Variants in COL12A1 observed in about 807,000 individuals in gnomAD.
COL12A1 encodes the protein collagen type XII alpha 1 chain.
Under a neutral mutation model 349.7 loss-of-function variants are expected in COL12A1, and 114 were observed. The observed-to-expected ratio is 0.33, with a 90% CI of 0.28 to 0.38. The LOEUF (loss-of-function observed/expected upper bound fraction) is 0.38, where lower values mean the gene tolerates loss of function less well. COL12A1 is among the 10% of genes least tolerant of loss of function. COL12A1 has a pLI of 1.00. For missense variants in COL12A1, 3,284 were observed against 3,756.9 expected, an observed-to-expected ratio of 0.87 and a Z score of 3.29; for synonymous variants, 1,369 against 1,329.0, an observed-to-expected ratio of 1.03 and a Z score of -0.66.
At chr6:75,162,059 C>T (rs1003200213) in intron 14 of COL12A1, among the ~76,000 whole-genome samples, 1 of 152,076 alleles carries the variant, frequency 6.6e-6, no homozygotes, top group Non-Finnish European at 1.5e-5. Flanking sequence ...TCAATACTGT[C>T]AAAATGGCCA....
At chr6:75,131,630 C>A (rs1766304644) in intron 35 of COL12A1, among the ~76,000 whole-genome samples, 1 of 152,260 alleles carries the variant, frequency 6.6e-6, no homozygotes, top group South Asian at 2.1e-4. Context: ...ATAGATTGGG[C>A]AATTTGTAAG....
In COL12A1 at chr6:75,183,837, T is replaced by C. The variant is rs751763307; in HGVS notation, c.1288+17A>G. On this transcript the variant is annotated intron_variant, in intron 9 of 65. Coordinates refer to ENST00000322507, the MANE Select transcript of COL12A1 (RefSeq NM_004370.6). ...TCTTCACATATTCCAAATACAATGA[T>C]GCACACATTGACTTACCCACTTGAA... is the stretch of plus-strand genomic sequence containing the variant. The C allele has an allele frequency of 1.2e-6, 2 of 1,612,546 alleles. No individual in the cohort carries two copies. Among genetic ancestry groups the C allele is most frequent in the African/African-American group, 1.3e-5 (1 of 74,920 alleles).
intron 23 of COL12A1, among the ~76,000 whole-genome samples, chr6:75,146,829 C>T (rs1364594664): frequency 6.6e-6 from 1 of 152,044 alleles, no homozygotes; most frequent in East Asian, 1.9e-4. Context: ...CATATTAATC[C>T]TGCCAGTTAT....
chr6:75,104,609 T>C (rs969426076), intron 54 of COL12A1, among the ~76,000 whole-genome samples: 4 of 152,220 alleles, frequency 2.6e-5, no homozygotes, highest in African/African-American at 7.2e-5. Context: ...GGGTTTCACA[T>C]TGATCAATGA....
intron 13 of COL12A1, among the ~76,000 whole-genome samples, chr6:75,170,043 C>A (rs532002976): frequency 6.6e-6 from 1 of 152,320 alleles, no homozygotes; most frequent in East Asian, 1.9e-4. Context: ...GATTCCTACA[C>A]TGCTTTTTTC....
chr6:75,192,501 C>A, intron 3 of COL12A1, 146 bp from the exon 4 acceptor site: 2 of 635,318 alleles, frequency 3.1e-6, no homozygotes, highest in Non-Finnish European at 2.5e-6. Flanking sequence ...TTTTTACTGC[C>A]TTCCAAAACT....
chr6:75,109,020 C>T lies in COL12A1; in HGVS notation c.8098G>A (p.Ala2700Thr), dbSNP rs779479987. The change falls in exon 52 of 66, where the codon GCA becomes ACA. Residue 2700 changes from alanine (A) to threonine (T), a missense_variant and splice_region_variant. Physicochemically the swap from Ala to Thr is moderately conservative, Grantham distance 58. This residue lies in a region of COL12A1 where 683 missense variants were observed against 932.1 expected (regional missense o/e 0.73). Coordinates refer to ENST00000322507, the MANE Select transcript of COL12A1 (RefSeq NM_004370.6). ...AGAAATAAAAATGTGTTACTCACTG[C>T]GGCTGATTTCCTTTCCCCTTTAAGG... ...KLLKGERKSA[A>T]FQIQSFDIVC... 1.6e-5 allele frequency: 26 copies of T among 1,610,652 alleles called. No homozygotes were observed. Among genetic ancestry groups the T allele is most frequent in the Middle Eastern group, 1.6e-4 (1 of 6,064 alleles).
Position 75,183,167 on chromosome 6 carries a change from CAGG to C in COL12A1, c.1771_1773del (p.Pro591del). The C allele has an allele frequency of 6.2e-7, 1 of 1,614,146 alleles. No individual in the cohort carries two copies. Among genetic ancestry groups the C allele is most frequent in the Non-Finnish European group, 8.5e-7 (1 of 1,180,026 alleles). On this transcript the variant is annotated inframe_deletion, in exon 10 of 66. Transcript: ENST00000322507. ...TCCACTGTGAACACATGGGTCTCTG[CAGG>C]AGGAGAGGCAATAGCTTCCAATTCT... is the stretch of plus-strand genomic sequence containing the variant.
Position 75,119,075 on chromosome 6 carries a change from A to G in COL12A1, c.7322T>C (p.Val2441Ala). The change falls in exon 46 of 66, where the codon GTC becomes GCC. Residue 2441 changes from valine to alanine, a missense_variant. This residue lies in a region of COL12A1 where 683 missense variants were observed against 932.1 expected (regional missense o/e 0.73). Transcript: ENST00000322507. ...VVTDGRSQDE[V>A]KKAALVIQQS... is the part of the protein sequence containing the mutation. Reference sequence around the variant, plus strand: ...CTGGATGACCAAAGCCGCCTTCTTGACCTCATCCTGGGACCGACCGTCCGT... The same window carrying G: ...CTGGATGACCAAAGCCGCCTTCTTGGCCTCATCCTGGGACCGACCGTCCGT... 6.2e-7 allele frequency: 1 copy of G among 1,613,908 alleles called. No individual in the cohort carries two copies. Among genetic ancestry groups the G allele is most frequent in the Non-Finnish European group, 8.5e-7 (1 of 1,179,870 alleles).
chr6:75,095,728 G>T (rs1003504499), intron 59 of COL12A1, among the ~76,000 whole-genome samples: 1 of 151,522 alleles, frequency 6.6e-6, no homozygotes, highest in South Asian at 2.1e-4. Flanking sequence ...TATATTTTGA[G>T]ACCAGTTGAA....
chr6:75,087,645 G>C lies in COL12A1; in HGVS notation c.9113C>G (p.Pro3038Arg). 6.2e-7 allele frequency: 1 copy of C among 1,611,876 alleles called. No homozygotes were observed. Among genetic ancestry groups the C allele is most frequent in the East Asian group, 2.2e-5 (1 of 44,794 alleles). The change falls in exon 65 of 66, where the codon CCA becomes CGA. Residue 3038 changes from proline (P) to arginine (R), a missense_variant. This residue lies in a region of COL12A1 where 683 missense variants were observed against 932.1 expected (regional missense o/e 0.73). Coordinates refer to ENST00000322507, the MANE Select transcript of COL12A1 (RefSeq NM_004370.6). Reference protein sequence around the residue: ...RPGNSGIRGPPGPPGYCDSSQ... With the variant: ...RPGNSGIRGPRGPPGYCDSSQ... ...AGAATCACAGTATCCAGGAGGACCTGGGGGTCCTCGGATACCTGAGTTTCC... is the reference window on the plus strand; with the variant it reads ...AGAATCACAGTATCCAGGAGGACCTCGGGGTCCTCGGATACCTGAGTTTCC...
chr6:75,130,900 G>T lies in COL12A1; in HGVS notation c.6019C>A (p.Leu2007Met), dbSNP rs1367609316. ...GGATTTCCCTCTCCATCCGAGTACA[G>T]AGCCACAAGGTTCACGGAATAGAGT... ...DTLYSVNLVA[L>M]YSDGEGNPSP... Residue 2007 changes from leucine (L) to methionine (M), a missense_variant, in exon 36 of 66, where the codon CTG becomes ATG. By Grantham distance (15) the Leu-to-Met change is conservative. Around this residue, in one of 2 missense-constraint regions of COL12A1, gnomAD observed 2,601 missense variants for 2,824.8 expected, o/e 0.92. Transcript: ENST00000322507. 6.2e-7 allele frequency: 1 copy of T among 1,613,982 alleles called. No homozygotes were observed. Among genetic ancestry groups the T allele is most frequent in the Non-Finnish European group, 8.5e-7 (1 of 1,180,008 alleles).
At chr6:75,143,202 A>G (rs200676359) in intron 26 of COL12A1, 50 bp downstream of exon 26, 126 of 1,602,946 alleles carry the variant, frequency 7.9e-5, no homozygotes, top group Non-Finnish European at 9.7e-5. Flanking sequence ...CTTTTTTTAA[A>G]CCTACTAGGA....
chr6:75,130,971 G>A lies in COL12A1; in HGVS notation c.5948C>T (p.Pro1983Leu). 6.2e-7 allele frequency: 1 copy of A among 1,614,076 alleles called. No homozygotes were observed. The highest frequency in any genetic ancestry group is 8.5e-7 in the Non-Finnish European group (1 of 1,179,980). ...GTRPSESIVV[P>L]GNTRMVHLER... ...CAGATGCACCATGCGCGTGTTTCCTGGCACTACTATCTGCAGGAGAGGAAA... is the reference window on the plus strand; with the variant it reads ...CAGATGCACCATGCGCGTGTTTCCTAGCACTACTATCTGCAGGAGAGGAAA... The change falls in exon 36 of 66, where the codon CCA (proline) becomes CTA (leucine). Residue 1983 changes from proline to leucine, a missense_variant. Physicochemically the swap from Pro to Leu is moderately conservative, Grantham distance 98. Transcript: ENST00000322507.
At chr6:75,148,337 G>A in intron 22 of COL12A1, 21 bp downstream of exon 22, 2 of 1,607,648 alleles carry the variant, frequency 1.2e-6, no homozygotes, top group Non-Finnish European at 1.7e-6. Flanking sequence ...GAAGAAGTAA[G>A]TTATAGGTGT....
chr6:75,180,552 T>C (rs183216334), intron 11 of COL12A1, among the ~76,000 whole-genome samples: 6 of 149,476 alleles, frequency 4.0e-5, no homozygotes, highest in Admixed American at 1.3e-4. Flanking sequence ...ATTTATAATA[T>C]ACTTATTACC....
chr6:75,154,425 A>G lies in COL12A1; in HGVS notation c.3556T>C (p.Leu1186=), dbSNP rs1474969508. 9 of 1,611,410 alleles carry G rather than the reference A, an allele frequency of 5.6e-6. No homozygotes were observed. The highest frequency in any genetic ancestry group is 6.8e-6 in the Non-Finnish European group (8 of 1,178,542). Residue 1186 remains leucine, a synonymous_variant, in exon 17 of 66, where the codon TTA becomes CTA. Transcript: ENST00000322507. ...TLSDTTVMPI[L]SSGMECLTRA... is the part of the protein sequence containing the mutation. ...TAACTCAATTTCTTACCAGAAGATAAAATTGGCATAACAGTTGTGTCGGAA... is the reference window on the plus strand; with the variant it reads ...TAACTCAATTTCTTACCAGAAGATAGAATTGGCATAACAGTTGTGTCGGAA...
intron 17 of COL12A1, among the ~76,000 whole-genome samples, chr6:75,154,132 AT>A (rs1472703918): frequency 2.0e-5 from 3 of 151,778 alleles, no homozygotes; most frequent in Admixed American, 2.0e-4. Flanking sequence ...ATCACTAATA[AT>A]TATTAATACA....
chr6:75,096,889 C>T (rs1768062102), intron 59 of COL12A1, among the ~76,000 whole-genome samples: 1 of 103,686 alleles, frequency 9.6e-6, no homozygotes, highest in East Asian at 3.0e-4. Flanking sequence ...GAGCGAGACT[C>T]CGTCTCAAAA....
Sources: allele counts gnomAD v4.1 joint callset (sites outside exome capture counted in the v4.1 genomes callset), GRCh38; gene constraint gnomAD v4.1.1; regional missense constraint gnomAD v4.1.1; transcripts MANE v1.5; gene names NCBI Gene and HGNC (gene_info 2026-07-23, HGNC 2026-07-21).